Variants in LRP1B observed in about 807,000 individuals in gnomAD.
LRP1B encodes the protein low-density lipoprotein receptor-related protein 1B.
LRP1B carries 217 observed loss-of-function variants against 556.6 expected under a neutral mutation model. The observed-to-expected ratio is 0.39, with a 90% CI of 0.35 to 0.44. The LOEUF is 0.44. LRP1B is among the 20% of genes least tolerant of loss of function. The pLI is 1.00. For synonymous variants in LRP1B, 2,047 were observed against 1,865.8 expected (o/e 1.10, Z -2.50); for missense variants, 5,053 against 5,620.8 (o/e 0.90, Z 3.23).
intron 2 of LRP1B, among the ~76,000 whole-genome samples, chr2:141,489,620 C>A (rs1683258515): frequency 6.6e-6 from 1 of 151,910 alleles, no homozygotes; most frequent in Non-Finnish European, 1.5e-5. Flanking sequence ...TTTACAGAAG[C>A]AATACAACTT....
chr2:141,537,509 A>G (rs567408350), intron 2 of LRP1B, among the ~76,000 whole-genome samples: 149 of 152,312 alleles, frequency 9.8e-4, no homozygotes, highest in African/African-American at 3.5e-3. Context: ...TAATGCAAAG[A>G]ACATTAGTCT....
intron 2 of LRP1B, among the ~76,000 whole-genome samples, chr2:141,599,006 A>G (rs1164185283): frequency 8.4e-6 from 1 of 119,566 alleles, no homozygotes; most frequent in African/African-American, 4.2e-5. Flanking sequence ...AGTCTATAAA[A>G]AAATTGAAAA....
At chr2:141,661,860 A>G (rs1046486773) in intron 2 of LRP1B, among the ~76,000 whole-genome samples, 4 of 152,148 alleles carry the variant, frequency 2.6e-5, no homozygotes, top group African/African-American at 4.8e-5. Flanking sequence ...GAGAAGAGCA[A>G]CTCCAAGACA....
At chr2:141,505,202 T>C (rs902955238) in intron 2 of LRP1B, among the ~76,000 whole-genome samples, 20 of 150,396 alleles carry the variant, frequency 1.3e-4, no homozygotes, top group Non-Finnish European at 3.0e-4. Context: ...TCTCAGAGTC[T>C]ATAAAAGCTC....
chr2:140,667,360 T>A (rs1412362744), intron 41 of LRP1B, among the ~76,000 whole-genome samples: 1 of 152,200 alleles, frequency 6.6e-6, no homozygotes, highest in Non-Finnish European at 1.5e-5. Flanking sequence ...TAAGTTTCAT[T>A]TACCCTGATA....
chr2:142,108,791 CACTT>C (rs1160439070), intron 1 of LRP1B, among the ~76,000 whole-genome samples: 1 of 152,114 alleles, frequency 6.6e-6, no homozygotes, highest in Admixed American at 6.6e-5. Flanking sequence ...AGTTTTCTAT[CACTT>C]ACGATTATCT....
At chr2:141,906,114 A>G (rs1699753392) in intron 1 of LRP1B, among the ~76,000 whole-genome samples, 1 of 151,492 alleles carries the variant, frequency 6.6e-6, no homozygotes. Context: ...TTAAAATAGA[A>G]CTGTATTTAT....
chr2:141,429,955 G>C (rs1680505600), intron 3 of LRP1B, among the ~76,000 whole-genome samples: 1 of 152,144 alleles, frequency 6.6e-6, no homozygotes, highest in African/African-American at 2.4e-5. Flanking sequence ...GGCCATAAAT[G>C]TAGACAACCA....
chr2:141,016,981 C>T (rs1354086207), intron 12 of LRP1B, among the ~76,000 whole-genome samples: 1 of 152,086 alleles, frequency 6.6e-6, no homozygotes, highest in Non-Finnish European at 1.5e-5. Context: ...GATGAACACA[C>T]TACCCATTAT....
At chr2:141,606,321 T>C (rs1194531770) in intron 2 of LRP1B, among the ~76,000 whole-genome samples, 1 of 152,204 alleles carries the variant, frequency 6.6e-6, no homozygotes, top group African/African-American at 2.4e-5. Context: ...GGTAATAATA[T>C]TTATTTAAGT....
intron 15 of LRP1B, among the ~76,000 whole-genome samples, chr2:141,000,103 G>A (rs1697373430): frequency 1.3e-5 from 2 of 151,038 alleles, no homozygotes; most frequent in Admixed American, 6.6e-5. Flanking sequence ...CTTTTTTCAA[G>A]ACACAAGATC....
At chr2:141,532,912 G>T (rs1437708113) in intron 2 of LRP1B, among the ~76,000 whole-genome samples, 1 of 152,118 alleles carries the variant, frequency 6.6e-6, no homozygotes, top group South Asian at 2.1e-4. Flanking sequence ...CTTGAACTCC[G>T]GAGGCAGAGG....
chr2:140,410,468 A>G (rs1684925709), intron 66 of LRP1B, among the ~76,000 whole-genome samples: 1 of 152,062 alleles, frequency 6.6e-6, no homozygotes. Context: ...ACCTTTTAAT[A>G]AGCCTGCTTG....
intron 2 of LRP1B, among the ~76,000 whole-genome samples, chr2:141,635,497 T>C (rs904448052): frequency 6.6e-6 from 1 of 152,208 alleles, no homozygotes; most frequent in Admixed American, 6.5e-5. Flanking sequence ...TCTGTTCACT[T>C]AAAAATGTTT....
intron 41 of LRP1B, among the ~76,000 whole-genome samples, chr2:140,630,690 T>C (rs1683847419): frequency 6.6e-6 from 1 of 152,190 alleles, no homozygotes; most frequent in Non-Finnish European, 1.5e-5. Flanking sequence ...CTCATGTTTC[T>C]GGCAGGGGAA....
At chr2:141,961,641 TCTATTC>T in intron 1 of LRP1B, among the ~76,000 whole-genome samples, 1 of 151,862 alleles carries the variant, frequency 6.6e-6, no homozygotes, top group East Asian at 1.9e-4. Flanking sequence ...AATGATATCC[TCTATTC>T]ATTGTATGGT....
intron 73 of LRP1B, 126 bp from the exon 74 acceptor site, chr2:140,358,242 C>G (rs1195187229): frequency 5.0e-6 from 4 of 797,184 alleles, no homozygotes; most frequent in Non-Finnish European, 7.5e-6. Context: ...TTATCTGAAG[C>G]TCTCAAGGCC....
At chr2:140,486,918 T>C (rs551191993) in intron 58 of LRP1B, among the ~76,000 whole-genome samples, 72 of 152,032 alleles carry the variant, frequency 4.7e-4, no homozygotes, top group African/African-American at 1.7e-3. Flanking sequence ...TCACCAAAAA[T>C]GAAATTATGT....
At chr2:141,801,352 A>C (rs533383403) in intron 2 of LRP1B, among the ~76,000 whole-genome samples, 67 of 152,240 alleles carry the variant, frequency 4.4e-4, no homozygotes, top group African/African-American at 1.5e-3. Flanking sequence ...GCAGTGGCTC[A>C]ATCATGGCTC....
Sources: allele counts gnomAD v4.1 joint callset (sites outside exome capture counted in the v4.1 genomes callset), GRCh38; gene constraint gnomAD v4.1.1; transcripts MANE v1.5; gene names NCBI Gene and HGNC (gene_info 2026-07-23, HGNC 2026-07-21).